TEX9: variants seen among roughly 807,000 people sequenced by gnomAD.
TEX9 encodes the protein testis-expressed protein 9.
TEX9 carries 74 observed loss-of-function variants against 59.6 expected under a neutral mutation model. The observed-to-expected ratio is 1.24, with a 90% CI of 1.03 to 1.51. The LOEUF is 1.51. TEX9 is among the 40% of genes most tolerant of loss of function. The probability of loss-of-function intolerance (pLI) is 0.00; values close to 1 mark genes in which losing one functional copy is unlikely to be tolerated. For synonymous variants in TEX9, 186 were observed against 152.2 expected, an observed-to-expected ratio of 1.22 and a Z score of -1.64; for missense variants, 522 against 447.8, an observed-to-expected ratio of 1.17 and a Z score of -1.49.
chr15:56,443,812 C>T, intron 12 of TEX9: 1 of 1,608,604 alleles, frequency 6.2e-7, no homozygotes, highest in African/African-American at 1.3e-5. Flanking sequence ...CTTCTATATA[C>T]CTTCGCATTG....
chr15:56,244,312 A>G (rs2043783489), intron 1 of TEX9: 2 of 152,324 alleles, frequency 1.3e-5, no homozygotes, highest in African/African-American at 4.8e-5. Flanking sequence ...AGAAGCCCCC[A>G]AAGAAGAACA....
intron 1 of TEX9, among the ~76,000 whole-genome samples, chr15:56,250,517 G>T (rs758203352): frequency 1.3e-5 from 2 of 152,182 alleles, no homozygotes; most frequent in African/African-American, 2.4e-5. Flanking sequence ...GTTATATGGG[G>T]TACCAAATTC....
At chr15:56,426,891 TC>T (rs1418166549) in intron 10 of TEX9, among the ~76,000 whole-genome samples, 6 of 151,868 alleles carry the variant, frequency 4.0e-5, no homozygotes, top group African/African-American at 1.5e-4. Context: ...AAACTTGGTC[TC>T]CCGCTTGTCA....
At chr15:56,283,518 A>T (rs1449077703) in intron 1 of TEX9, among the ~76,000 whole-genome samples, 1 of 152,222 alleles carries the variant, frequency 6.6e-6, no homozygotes, top group Non-Finnish European at 1.5e-5. Flanking sequence ...GGACAGAGTT[A>T]TTCAATAAAT....
intron 10 of TEX9, among the ~76,000 whole-genome samples, chr15:56,420,325 C>G (rs1006218495): frequency 6.7e-6 from 1 of 149,728 alleles, no homozygotes; most frequent in Admixed American, 6.7e-5. Context: ...TTTTTCTCCC[C>G]TAGACAGAGT....
chr15:56,439,611 G>A lies in TEX9; in HGVS notation c.*30-6060G>A, dbSNP rs576801291. On this transcript the variant is annotated intron_variant, in intron 12 of 12. Coordinates refer to ENST00000352903, the Ensembl canonical transcript of TEX9. ...AAGAAAGGTGCAAAAGCAATTCAAT[G>A]TTGGAGAAACAGCCATTTCAACAAA... is the stretch of plus-strand genomic sequence containing the variant. Among the ~76,000 whole-genome samples the A allele has an allele frequency of 1.4e-4, 22 of 152,188 alleles. 2 individuals are homozygous for A. The South Asian group carries it at 4.6e-3, about 31-fold the overall frequency.
chr15:56,441,415 A>G (rs2050812154), intron 12 of TEX9, among the ~76,000 whole-genome samples: 1 of 152,130 alleles, frequency 6.6e-6, no homozygotes, highest in Non-Finnish European at 1.5e-5. Flanking sequence ...ATTGCTTTCA[A>G]TACGATATCC....
At chr15:56,432,894 C>T (rs1236973010) in intron 12 of TEX9, among the ~76,000 whole-genome samples, 1 of 152,180 alleles carries the variant, frequency 6.6e-6, no homozygotes, top group African/African-American at 2.4e-5. Context: ...TAGTCTTCCT[C>T]TAAATTCTTC....
Position 56,376,468 on chromosome 15 carries a change from T to G in TEX9, c.183+2964T>G, listed in dbSNP as rs528789655. 2.0e-5 allele frequency among the ~76,000 whole-genome samples: 3 copies of G among 152,284 alleles called. No homozygotes were observed. The South Asian group carries it at 6.2e-4, about 32-fold the overall frequency. On this transcript the variant is annotated intron_variant, in intron 3 of 12. Transcript: ENST00000352903. Reference sequence around the variant, plus strand: ...ATAAGCCATTTTATCAGAGTTGAGATGATATTGTAGTTTTGATTTGCATTT... The same window carrying G: ...ATAAGCCATTTTATCAGAGTTGAGAGGATATTGTAGTTTTGATTTGCATTT...
At chr15:56,414,880 C>T (rs1464609347) in intron 10 of TEX9, among the ~76,000 whole-genome samples, 1 of 151,814 alleles carries the variant, frequency 6.6e-6, no homozygotes, top group Non-Finnish European at 1.5e-5. Context: ...GTTCCCTTTT[C>T]TCTGCAACCT....
At chr15:56,365,300 G>C, upstream of TEX9, 1 of 1,058,014 alleles carries the variant, frequency 9.5e-7, no homozygotes, top group Non-Finnish European at 1.3e-6. Flanking sequence ...TGCGAGCAAA[G>C]GCCGAGCCCG....
chr15:56,371,024 T>C (rs1484070929), intron 2 of TEX9, among the ~76,000 whole-genome samples: 1 of 152,036 alleles, frequency 6.6e-6, no homozygotes, highest in East Asian at 1.9e-4. Flanking sequence ...ACCTGGCTAA[T>C]TTTTGTATTT....
At chr15:56,371,801 C>T (rs1220985572) in intron 2 of TEX9, among the ~76,000 whole-genome samples, 2 of 152,156 alleles carry the variant, frequency 1.3e-5, no homozygotes, top group Admixed American at 1.3e-4. Context: ...TTTGGACTTC[C>T]CTCTTGTTTG....
upstream of TEX9, among the ~76,000 whole-genome samples, chr15:56,361,192 TG>T (rs2046782848): frequency 6.6e-6 from 1 of 152,318 alleles, no homozygotes; most frequent in African/African-American, 2.4e-5. Context: ...TTTTCTCTAT[TG>T]TTTCCCTGTT....
At chr15:56,269,695 C>G (rs1289932391) in intron 1 of TEX9, among the ~76,000 whole-genome samples, 1 of 150,260 alleles carries the variant, frequency 6.7e-6, no homozygotes, top group Non-Finnish European at 1.5e-5. Context: ...CTCTGTCTCC[C>G]AGGCTGGAGT....
chr15:56,375,940 A>T (rs547855167), intron 3 of TEX9, among the ~76,000 whole-genome samples: 1 of 151,898 alleles, frequency 6.6e-6, no homozygotes, highest in East Asian at 1.9e-4. Flanking sequence ...ATGAAATTGG[A>T]AATCATCATT....
chr15:56,394,734 T>C, exon 9 of TEX9: 1 of 1,611,400 alleles, frequency 6.2e-7, no homozygotes, highest in Middle Eastern at 1.7e-4. Flanking sequence ...CAGCGAACAA[T>C]TAATATGCAA....
At chr15:56,326,025 C>T (rs2046012924) in intron 1 of TEX9, among the ~76,000 whole-genome samples, 1 of 152,056 alleles carries the variant, frequency 6.6e-6, no homozygotes, top group Non-Finnish European at 1.5e-5. Flanking sequence ...TCTTTGGTAG[C>T]CAGATAGTTT....
intron 12 of TEX9, among the ~76,000 whole-genome samples, chr15:56,438,196 TG>T (rs1221979044): frequency 1.3e-5 from 2 of 152,148 alleles, no homozygotes; most frequent in African/African-American, 4.8e-5. Context: ...GGAGGCATCA[TG>T]CTACCTGAAT....
Sources: gnomAD v4.1 joint callset for allele counts (sites outside exome capture counted in the v4.1 genomes callset) on GRCh38, gnomAD v4.1.1 for gene constraint, MANE v1.5 for transcripts, NCBI Gene and HGNC (gene_info 2026-07-23, HGNC 2026-07-21) for gene names.